Variants in PCDH11X observed in about 807,000 individuals in gnomAD.
The protein encoded by PCDH11X is protocadherin 11 X-linked.
Under a neutral mutation model 53.3 loss-of-function variants are expected in PCDH11X, and 18 were observed. The observed-to-expected ratio is 0.34, with a 90% CI of 0.23 to 0.50. The LOEUF (loss-of-function observed/expected upper bound fraction) is 0.50, where lower values mean the gene tolerates loss of function less well. Ranked by LOEUF, PCDH11X falls within the 20% of genes least tolerant of loss-of-function variation. The pLI, the probability that PCDH11X is intolerant of heterozygous loss-of-function variation, is 0.98. For synonymous variants in PCDH11X, 279 were observed against 393.3 expected, an observed-to-expected ratio of 0.71 and a Z score of 3.44; for missense variants, 570 against 1,032.4, an observed-to-expected ratio of 0.55 and a Z score of 6.14.
At chrX:92,463,452 A>G (rs2148658596) in intron 9 of PCDH11X, among the ~76,000 whole-genome samples, 1 of 110,447 alleles carries the variant, frequency 9.1e-6, no homozygotes, top group African/African-American at 3.3e-5. Flanking sequence ...ATATCTTGGA[A>G]ATGATCTGTA....
chrX:91,813,744 G>A (rs1428150002), intron 4 of PCDH11X, among the ~76,000 whole-genome samples: 1 of 106,020 alleles, frequency 9.4e-6, no homozygotes, highest in African/African-American at 3.5e-5. Flanking sequence ...AAACGTGGAA[G>A]TAGACCACAA....
intron 6 of PCDH11X, among the ~76,000 whole-genome samples, chrX:92,184,985 T>C (rs1386307641): frequency 8.9e-6 from 1 of 111,967 alleles, no homozygotes; most frequent in Non-Finnish European, 1.9e-5. Context: ...GATAACTCAT[T>C]GCAATCTTCC....
chrX:92,175,778 A>G (rs113740830), intron 6 of PCDH11X, among the ~76,000 whole-genome samples: 11,733 of 46,278 alleles, frequency 0.25, 690 homozygotes, highest in East Asian at 0.55. Flanking sequence ...GTGTGTGTGT[A>G]TATATATACA....
At chrX:92,282,479 G>A (rs2068272170) in intron 8 of PCDH11X, among the ~76,000 whole-genome samples, 1 of 111,609 alleles carries the variant, frequency 9.0e-6, no homozygotes, top group African/African-American at 3.2e-5. Flanking sequence ...AGCCTATATC[G>A]TTCAGCTATC....
At chrX:91,975,582 A>G (rs2062035142) in intron 6 of PCDH11X, among the ~76,000 whole-genome samples, 1 of 110,531 alleles carries the variant, frequency 9.0e-6, no homozygotes, top group Non-Finnish European at 1.9e-5. Flanking sequence ...AAGAAACCTT[A>G]GAGACCTCCA....
At chrX:91,815,957 G>A (rs761393865) in intron 4 of PCDH11X, among the ~76,000 whole-genome samples, 3 of 108,746 alleles carry the variant, frequency 2.8e-5, no homozygotes, top group African/African-American at 7.0e-5. Flanking sequence ...GTGAAGCCCC[G>A]TCTCTACCAA....
chrX:91,972,209 C>A (rs1246771851), intron 6 of PCDH11X, among the ~76,000 whole-genome samples: 24 of 102,863 alleles, frequency 2.3e-4, no homozygotes, highest in Non-Finnish European at 3.7e-4. Flanking sequence ...TGAAGATGAG[C>A]ATTTTTTCAT....
intron 7 of PCDH11X, among the ~76,000 whole-genome samples, chrX:92,260,985 G>A (rs2067703503): frequency 9.0e-6 from 1 of 111,245 alleles, no homozygotes; most frequent in Admixed American, 9.6e-5. Flanking sequence ...CCTGTTCAGG[G>A]CCAGTTTATA....
chrX:92,617,381 C>G (rs7880162), intron 10 of PCDH11X, among the ~76,000 whole-genome samples: 14,126 of 111,215 alleles, frequency 0.13, 1,920 homozygotes, highest in African/African-American at 0.41. Context: ...CCTTTCATTT[C>G]TAGCTTATTT....
chrX:91,942,864 G>T (rs1472731471), intron 6 of PCDH11X, among the ~76,000 whole-genome samples: 2 of 110,237 alleles, frequency 1.8e-5, no homozygotes, highest in Non-Finnish European at 3.8e-5. Flanking sequence ...ATTTGCAAGT[G>T]ATGTTTATTC....
At chrX:92,162,467 C>T (rs888934796) in intron 6 of PCDH11X, among the ~76,000 whole-genome samples, 19 of 111,536 alleles carry the variant, frequency 1.7e-4, no homozygotes, top group African/African-American at 6.2e-4. Context: ...GCTGGGATTA[C>T]AGGTGTGAGC....
At chrX:92,143,355 CAGGCCCAG>C (rs1256577213) in intron 6 of PCDH11X, among the ~76,000 whole-genome samples, 1 of 112,291 alleles carries the variant, frequency 8.9e-6, no homozygotes, top group Non-Finnish European at 1.9e-5. Context: ...CCTCCCATCA[CAGGCCCAG>C]AGGCCCAGAA....
intron 6 of PCDH11X, among the ~76,000 whole-genome samples, chrX:91,942,415 A>G (rs2061522255): frequency 9.1e-6 from 1 of 110,449 alleles, no homozygotes. Context: ...AAGAAAGACG[A>G]AATATTTTGA....
chrX:92,501,370 A>G (rs2073956715), intron 10 of PCDH11X, among the ~76,000 whole-genome samples: 1 of 111,361 alleles, frequency 9.0e-6, no homozygotes, highest in Non-Finnish European at 1.9e-5. Flanking sequence ...CTCCCTAACT[A>G]ATTCTCTGAG....
Position 92,162,904 on chromosome X carries a change from A to T in PCDH11X, c.3034-38471A>T, listed in dbSNP as rs756311021. ...ACAGGGCCCTAGAACTCCCAAGAGGATATCCCCTTTGTCTTCAGCTACCAA... is the reference window on the plus strand; with the variant it reads ...ACAGGGCCCTAGAACTCCCAAGAGGTTATCCCCTTTGTCTTCAGCTACCAA... On this transcript the variant is annotated intron_variant, in intron 6 of 10. Transcript: ENST00000682573. Among the ~76,000 whole-genome samples the T allele has an allele frequency of 7.4e-5, 8 of 107,582 alleles. No individual in the cohort carries two copies. The South Asian group carries it at 3.4e-3, about 45-fold the overall frequency. The allele number at this position is 107,582 out of a possible 115,157, so 93.4% of individuals were successfully genotyped here.
intron 7 of PCDH11X, among the ~76,000 whole-genome samples, chrX:92,207,044 A>C (rs759566645): frequency 8.9e-6 from 1 of 111,819 alleles, no homozygotes; most frequent in Non-Finnish European, 1.9e-5. Context: ...ATATTTTGAT[A>C]CATAACTGGA....
chrX:91,792,757 G>T (rs1469101355), intron 1 of PCDH11X, among the ~76,000 whole-genome samples: 2 of 111,478 alleles, frequency 1.8e-5, no homozygotes, highest in African/African-American at 6.5e-5. Context: ...GACACTTTGA[G>T]AACATGATAT....
At chrX:91,955,275 T>C (rs767186432) in intron 6 of PCDH11X, among the ~76,000 whole-genome samples, 2 of 109,090 alleles carry the variant, frequency 1.8e-5, no homozygotes, top group Non-Finnish European at 3.8e-5. Context: ...TTGTGCAATC[T>C]TATTTCTGAG....
chrX:92,006,906 A>T (rs1407330019), intron 6 of PCDH11X, among the ~76,000 whole-genome samples: 1 of 111,425 alleles, frequency 9.0e-6, no homozygotes, highest in Non-Finnish European at 1.9e-5. Flanking sequence ...ATTTCTCTGG[A>T]TTATCAGGCA....
Sources: gnomAD v4.1 joint callset for allele counts (sites outside exome capture counted in the v4.1 genomes callset) on GRCh38, gnomAD v4.1.1 for gene constraint, MANE v1.5 for transcripts, NCBI Gene and HGNC (gene_info 2026-07-23, HGNC 2026-07-21) for gene names.